The following ZNF875 variants were observed in gnomAD, a reference collection of about 807,000 sequenced individuals.
The protein encoded by ZNF875 is HKR1, GLI-Kruppel zinc finger family member.
ZNF875 carries 14 observed loss-of-function variants against 11.2 expected under a neutral mutation model. The ratio of observed to expected loss-of-function variants is 1.26; its 90% CI spans 0.83 to 1.96. The LOEUF is 1.96. Ranked by LOEUF, ZNF875 falls within the 30% of genes most tolerant of loss-of-function variation. The pLI, the probability that ZNF875 is intolerant of heterozygous loss-of-function variation, is 0.00. For synonymous variants in ZNF875, 301 were observed against 281.1 expected (o/e 1.07, Z -0.71); for missense variants, 752 against 760.4 (o/e 0.99, Z 0.13).
At chr19:37,335,103 C>T (rs1476889011) in intron 1 of ZNF875, 66 bp from the exon 2 acceptor site, 1 of 656,964 alleles carries the variant, frequency 1.5e-6, no homozygotes, top group Non-Finnish European at 2.8e-6. Context: ...CTGGAGCGGA[C>T]TGCGCTTCAC....
intron 4 of ZNF875, among the ~76,000 whole-genome samples, chr19:37,327,640 C>T (rs1043590801): frequency 1.1e-4 from 17 of 151,494 alleles, no homozygotes; most frequent in East Asian, 9.9e-4. Context: ...TGGTGCAGGC[C>T]TGTAATCCCA....
intron 1 of ZNF875, among the ~76,000 whole-genome samples, chr19:37,319,369 A>ATATATATATG (rs56256521): frequency 1.4e-5 from 2 of 139,956 alleles, no homozygotes; most frequent in South Asian, 4.6e-4. Flanking sequence ...ATATATATAT[A>ATATATATATG]ATAAAAATGG....
chr19:37,321,627 C>T (rs1469295736), intron 1 of ZNF875, among the ~76,000 whole-genome samples: 2 of 152,086 alleles, frequency 1.3e-5, no homozygotes, highest in South Asian at 2.1e-4. Context: ...TCTCAGTTTC[C>T]CGTCCCACCC....
In ZNF875 at chr19:37,362,381, CT is replaced by C. The variant is rs1230136014; in HGVS notation, c.532del (p.Ser178ProfsTer21). On this transcript the variant is annotated frameshift_variant, in exon 5 of 5. Transcript: ENST00000392153. LOFTEE classifies it low-confidence loss of function (END_TRUNC). The stretch of plus-strand genomic sequence containing the variant: ...AAGCAAAAATGGCACTTCAAAGGCA[CT>C]TTCCAGCCCACCTGAAGAACAACAG... ...RVSKNGTSKA[L>X]SSPPEEQQPA... The C allele has an allele frequency of 6.2e-7, 1 of 1,613,994 alleles. No individual in the cohort carries two copies. The highest frequency in any genetic ancestry group is 1.7e-5 in the Admixed American group (1 of 60,006).
chr19:37,326,507 C>G (rs188293831), intron 4 of ZNF875, among the ~76,000 whole-genome samples: 2 of 152,172 alleles, frequency 1.3e-5, no homozygotes, highest in African/African-American at 4.8e-5. Flanking sequence ...CAGTCTTTTC[C>G]CATAACATGT....
Position 37,354,030 on chromosome 19 carries a change from G to A in ZNF875, c.256+6158G>A, listed in dbSNP as rs657614. On this transcript the variant is annotated intron_variant, in intron 4 of 4. Transcript: ENST00000392153. ...ACCTGTATATTGGACTGCTGGAAAT[G>A]TGTTTCTGAAGATTCATATTGTCTC... is the stretch of plus-strand genomic sequence containing the variant. 1.1e-4 allele frequency among the ~76,000 whole-genome samples: 17 copies of A among 151,986 alleles called. No homozygotes were observed. In the East Asian group the frequency reaches 2.1e-3, roughly 19 times the overall value.
rs774660410 is a variant in ZNF875, at chr19:37,362,206, G to A, written c.354G>A (p.Gln118=). Residue 118 remains glutamine, a synonymous_variant, in exon 5 of 5, where the codon CAG becomes CAA. Coordinates refer to ENST00000392153, the MANE Select transcript of ZNF875 (RefSeq NM_001353803.2). ...ATGTGTGGCTGAGTCATCTCTCTCA[G>A]CTGTTTTCAAGTTTATGGGCAGGAA... ...SQHVWLSHLS[Q]LFSSLWAGNP... 4.3e-6 allele frequency: 7 copies of A among 1,613,970 alleles called. No homozygotes were observed. The highest frequency in any genetic ancestry group is 4.5e-5 in the East Asian group (2 of 44,876).
At chr19:37,325,750 C>T (rs1036947442) in intron 4 of ZNF875, among the ~76,000 whole-genome samples, 18 of 151,944 alleles carry the variant, frequency 1.2e-4, no homozygotes, top group African/African-American at 4.4e-4. Flanking sequence ...CTCTGTCAGC[C>T]GGGCTGGAGT....
At position 37,364,257 on chromosome 19, in the gene ZNF875, T is replaced by G. The variant is rs2040445423; in HGVS notation, c.*482T>G. 2 of 161,576 alleles carry G rather than the reference T, an allele frequency of 1.2e-5. No individual in the cohort carries two copies. Among genetic ancestry groups the G allele is most frequent in the South Asian group, 1.8e-4 (1 of 5,538 alleles). The allele number at this position is 161,576 out of a possible 1,614,324, so 10.0% of individuals were successfully genotyped here. A position where few individuals can be genotyped will look rare whatever the true frequency, so the allele number is the denominator to read the frequency against. ...TTTTTACACTGCTGTGCCCACCTTT[T>G]GAGTGGTGCCTTTGCATACTTACAA... On this transcript the variant is annotated 3_prime_UTR_variant, in exon 5 of 5. Coordinates refer to ENST00000392153, the MANE Select transcript of ZNF875 (RefSeq NM_001353803.2).
In ZNF875 at chr19:37,362,552, G is replaced by C; in HGVS notation, c.700G>C (p.Gly234Arg). The change falls in exon 5 of 5, where the codon GGC becomes CGC. Residue 234 changes from glycine (G) to arginine (R), a missense_variant. Transcript: ENST00000392153. ...AATCAAATATGAAGAGTTTGGGCCAGGCTTTATCAAGGAGTCAAACCTCCT... is the reference window on the plus strand; with the variant it reads ...AATCAAATATGAAGAGTTTGGGCCACGCTTTATCAAGGAGTCAAACCTCCT... Reference protein sequence around the residue: ...GEIKYEEFGPGFIKESNLLSL... With the variant: ...GEIKYEEFGPRFIKESNLLSL... The C allele has an allele frequency of 6.2e-7, 1 of 1,614,208 alleles. No homozygotes were observed. Among genetic ancestry groups the C allele is most frequent in the Non-Finnish European group, 8.5e-7 (1 of 1,180,044 alleles).
At chr19:37,343,770 A>G (rs543034848) in intron 2 of ZNF875, among the ~76,000 whole-genome samples, 4 of 152,106 alleles carry the variant, frequency 2.6e-5, no homozygotes, top group African/African-American at 9.6e-5. Context: ...ATTTAGGAGG[A>G]GACTGCATGA....
intron 2 of ZNF875, among the ~76,000 whole-genome samples, chr19:37,338,428 G>A (rs1158961127): frequency 2.6e-5 from 4 of 152,124 alleles, no homozygotes; most frequent in Non-Finnish European, 5.9e-5. Flanking sequence ...CAGCCTTTTT[G>A]TGTGTACTTT....
intron 2 of ZNF875, 72 bp from the exon 3 acceptor site, chr19:37,347,118 T>C: frequency 6.2e-7 from 1 of 1,607,486 alleles, no homozygotes. Flanking sequence ...GGCCTGGCCT[T>C]GACCTCTCAT....
intron 2 of ZNF875, among the ~76,000 whole-genome samples, chr19:37,345,759 G>A (rs1280390986): frequency 6.6e-6 from 1 of 152,018 alleles, no homozygotes; most frequent in Non-Finnish European, 1.5e-5. Flanking sequence ...GCAGTATATG[G>A]GTCAAATTAA....
At chr19:37,346,930 C>G in intron 2 of ZNF875, 1 of 355,336 alleles carries the variant, frequency 2.8e-6, no homozygotes, top group East Asian at 7.4e-5. Flanking sequence ...ATGGCGCAAT[C>G]TCGGCTTACC....
At chr19:37,351,603 T>A (rs868031724) in intron 4 of ZNF875, among the ~76,000 whole-genome samples, 1 of 152,214 alleles carries the variant, frequency 6.6e-6, no homozygotes, top group South Asian at 2.1e-4. Flanking sequence ...ATCCTACAAC[T>A]TTTGGTGTGT....
chr19:37,333,829 T>C (rs866305862), upstream of ZNF875, among the ~76,000 whole-genome samples: 7 of 152,190 alleles, frequency 4.6e-5, no homozygotes, highest in Middle Eastern at 3.4e-3. Context: ...TAATGTAATA[T>C]CTTTAAAAAT....
At chr19:37,320,302 G>A (rs1449050431) in intron 1 of ZNF875, among the ~76,000 whole-genome samples, 1 of 152,194 alleles carries the variant, frequency 6.6e-6, no homozygotes, top group Non-Finnish European at 1.5e-5. Flanking sequence ...AATACAGGCT[G>A]TAGAGCCCTT....
In ZNF875 at chr19:37,335,138, A is replaced by G. The variant is rs2145903145; in HGVS notation, c.-56-31A>G. The G allele has an allele frequency of 4.3e-6, 3 of 691,866 alleles. No homozygotes were observed. In the East Asian group the frequency reaches 8.2e-5, roughly 19 times the overall value. The allele number at this position is 691,866 out of a possible 1,614,324, so 42.9% of individuals were successfully genotyped here. Reference sequence around the variant, plus strand: ...CTTCGTGGGGAGGGTGTTTCCACCTAGGCCACTCTTATTTCTCTTCACATC... The same window carrying G: ...CTTCGTGGGGAGGGTGTTTCCACCTGGGCCACTCTTATTTCTCTTCACATC... On this transcript the variant is annotated intron_variant, in intron 1 of 4. Coordinates refer to ENST00000392153, the MANE Select transcript of ZNF875 (RefSeq NM_001353803.2).
Sources: allele counts gnomAD v4.1 joint callset (sites outside exome capture counted in the v4.1 genomes callset), GRCh38; gene constraint gnomAD v4.1.1; transcripts MANE v1.5; gene names NCBI Gene and HGNC (gene_info 2026-07-23, HGNC 2026-07-21).